Variants in GSS observed in about 807,000 individuals in gnomAD.
The protein encoded by GSS is GSH synthetase.
A neutral mutation model predicts 60.4 loss-of-function variants in GSS; 34 were observed. The ratio of observed to expected loss-of-function variants is 0.56; its 90% CI spans 0.43 to 0.75. GSS has a LOEUF of 0.75. Ranked by LOEUF, GSS falls within the 30% of genes least tolerant of loss-of-function variation. The pLI is 0.00. For synonymous variants in GSS, 224 were observed against 239.0 expected, an observed-to-expected ratio of 0.94 and a Z score of 0.58; for missense variants, 499 against 595.1, an observed-to-expected ratio of 0.84 and a Z score of 1.68.
chr20:34,950,018 C>G (rs1156777770), intron 2 of GSS: 4 of 145,610 alleles, frequency 2.7e-5, no homozygotes, highest in Non-Finnish European at 6.2e-5. Flanking sequence ...CTCTCTCACA[C>G]ACACACACAC....
Position 34,931,911 on chromosome 20 carries a change from T to A in GSS, c.1029+28A>T. 3 of 1,602,484 alleles carry A rather than the reference T, an allele frequency of 1.9e-6. No individual in the cohort carries two copies. In the South Asian group the frequency reaches 3.3e-5, roughly 18 times the overall value. The stretch of plus-strand genomic sequence containing the variant: ...AGGTCTCTGCCACCTAGGAGGCCTG[T>A]GGTAGGAGAAACAGGCTGCCCACGT... On this transcript the variant is annotated intron_variant, in intron 10 of 12. Coordinates refer to ENST00000651619, the MANE Select transcript of GSS (RefSeq NM_000178.4).
chr20:34,951,980 C>T (rs1569019137), intron 1 of GSS, 120 bp from the exon 2 acceptor site: 13 of 989,198 alleles, frequency 1.3e-5, no homozygotes, highest in Admixed American at 1.8e-5. Context: ...AAGGGAACAG[C>T]GTGGTATACA....
intron 1 of GSS, chr20:34,952,065 C>A: frequency 8.1e-6 from 5 of 615,022 alleles, no homozygotes; most frequent in Non-Finnish European, 8.8e-6. Flanking sequence ...AAAGCATTTC[C>A]ATTGCCACTC....
chr20:34,942,951 G>A lies in GSS; in HGVS notation c.331C>T (p.Leu111=), dbSNP rs1404987412. 6.2e-7 allele frequency: 1 copy of A among 1,609,308 alleles called. No individual in the cohort carries two copies. Among genetic ancestry groups the A allele is most frequent in the Non-Finnish European group, 8.5e-7 (1 of 1,176,558 alleles). ...ARLFDIHKQV[L]KEGIAQTVFL... The stretch of plus-strand genomic sequence containing the variant: ...GTTACCTGGGCAATGCCCTCTTTTA[G>A]GACTTGCTTGTGGATGTCAAAGAGA... The change falls in exon 4 of 13, where the codon CTA becomes TTA. Residue 111 remains leucine, a synonymous_variant. Transcript: ENST00000651619.
rs976221221 is a variant in GSS at position 34,942,363 on chromosome 20, G to A, written c.491+125C>T. The stretch of plus-strand genomic sequence containing the variant: ...GGAAACTGCTGTCGGGGTGGCCAGG[G>A]GCAACATGTGACCCGGGGCCCAGGA... On this transcript the variant is annotated intron_variant, in intron 5 of 12. Transcript: ENST00000651619. The A allele has an allele frequency of 2.3e-5, 20 of 881,862 alleles. No individual in the cohort carries two copies. In the Admixed American group the frequency reaches 4.0e-4, roughly 17 times the overall value. 54.6% of individuals were successfully genotyped at this position (881,862 alleles called of 1,614,324 possible). A position where few individuals can be genotyped will look rare whatever the true frequency, so the allele number is the denominator to read the frequency against.
intron 1 of GSS, chr20:34,954,735 A>G (rs746726333): frequency 1.3e-5 from 2 of 153,194 alleles, no homozygotes; most frequent in Admixed American, 6.6e-5. Flanking sequence ...AGAATATCCA[A>G]TTTTTTCCTG....
intron 3 of GSS, among the ~76,000 whole-genome samples, chr20:34,943,894 C>A (rs528814572): frequency 5.3e-5 from 8 of 152,206 alleles, no homozygotes; most frequent in Non-Finnish European, 1.0e-4. Flanking sequence ...GAAGTCTCAA[C>A]AAGAGCCACA....
At chr20:34,950,032 C>CACACACACACACACACAT (rs2081555822) in intron 2 of GSS, 3 of 151,738 alleles carry the variant, frequency 2.0e-5, no homozygotes, top group African/African-American at 7.3e-5. Context: ...CACACACACA[C>CACACACACACACACACAT]ACATACACAC....
At chr20:34,932,233 C>T in intron 9 of GSS, 100 bp from the exon 10 acceptor site, 1 of 909,846 alleles carries the variant, frequency 1.1e-6, no homozygotes, top group South Asian at 1.3e-5. Context: ...TGATTTGTAT[C>T]TTCACCCTCA....
At chr20:34,940,669 T>C (rs36066117) in intron 6 of GSS, among the ~76,000 whole-genome samples, 2 of 152,318 alleles carry the variant, frequency 1.3e-5, no homozygotes, top group East Asian at 3.9e-4. Context: ...GTACAGAGCT[T>C]AGCACAAGGT....
At chr20:34,940,073 T>G (rs2081470961) in intron 6 of GSS, among the ~76,000 whole-genome samples, 1 of 152,188 alleles carries the variant, frequency 6.6e-6, no homozygotes, top group Non-Finnish European at 1.5e-5. Flanking sequence ...CCTTTAGGTA[T>G]TATTATTACT....
chr20:34,930,280 A>AG, intron 11 of GSS, among the ~76,000 whole-genome samples: 1 of 151,418 alleles, frequency 6.6e-6, no homozygotes, highest in African/African-American at 2.4e-5. Context: ...AAAAAAAAAA[A>AG]TTGTTAACTT....
intron 2 of GSS, among the ~76,000 whole-genome samples, chr20:34,947,626 AC>A (rs1287206186): frequency 6.6e-6 from 1 of 151,686 alleles, no homozygotes; most frequent in Non-Finnish European, 1.5e-5. Flanking sequence ...TCTTTTTTTC[AC>A]CCCCATAGCA....
At chr20:34,929,011 T>C in intron 12 of GSS, 60 bp from the exon 13 acceptor site, 1 of 1,604,996 alleles carries the variant, frequency 6.2e-7, no homozygotes, top group Non-Finnish European at 8.5e-7. Flanking sequence ...CCCAGGACCT[T>C]CCCTGGACCC....
intron 2 of GSS, chr20:34,949,668 A>G (rs1327783718): frequency 6.6e-6 from 1 of 152,062 alleles, no homozygotes; most frequent in East Asian, 1.9e-4. Context: ...CAATTATTTT[A>G]CCATTTAAAT....
chr20:34,950,211 C>T (rs35285939), intron 2 of GSS: 2 of 152,174 alleles, frequency 1.3e-5, no homozygotes, highest in African/African-American at 2.4e-5. Context: ...ATTTTAGATT[C>T]ATACAAGTAA....
At chr20:34,936,643 G>C in intron 8 of GSS, 120 bp downstream of exon 8, 1 of 858,796 alleles carries the variant, frequency 1.2e-6, no homozygotes, top group East Asian at 2.4e-5. Flanking sequence ...GATATTTCAG[G>C]AATTATGAGA....
Position 34,931,103 on chromosome 20 carries a change from C to T in GSS, c.1111+233G>A, listed in dbSNP as rs145820146. ...ACTCTACTTCCCAACAATCTACCCA[C>T]AGGCACCTCAGGTAAAACTTGTCCA... On this transcript the variant is annotated intron_variant, in intron 11 of 12. Coordinates refer to ENST00000651619, the MANE Select transcript of GSS (RefSeq NM_000178.4). Among the ~76,000 whole-genome samples the T allele has an allele frequency of 6.9e-4, 105 of 152,368 alleles. 1 individual carries two copies. Among genetic ancestry groups the T allele is most frequent in the African/African-American group, 2.4e-3 (99 of 41,594 alleles).
Position 34,930,587 on chromosome 20 carries a change from G to A in GSS, c.1111+749C>T, listed in dbSNP as rs1216553141. Among the ~76,000 whole-genome samples the A allele has an allele frequency of 2.0e-5, 3 of 152,050 alleles. No homozygotes were observed. In the East Asian group the frequency reaches 5.8e-4, roughly 29 times the overall value. On this transcript the variant is annotated intron_variant, in intron 11 of 12. Coordinates refer to ENST00000651619, the MANE Select transcript of GSS (RefSeq NM_000178.4). Reference sequence around the variant, plus strand: ...CTTCCACGGTCTTTCTGCTTCCAGTGTCTCCCCTCATTCCAGGACATCTTC... The same window carrying A: ...CTTCCACGGTCTTTCTGCTTCCAGTATCTCCCCTCATTCCAGGACATCTTC...
Sources: allele counts gnomAD v4.1 joint callset (sites outside exome capture counted in the v4.1 genomes callset), GRCh38; gene constraint gnomAD v4.1.1; transcripts MANE v1.5; gene names NCBI Gene and HGNC (gene_info 2026-07-23, HGNC 2026-07-21).